The following PCSK6 variants were observed in gnomAD, a reference collection of about 807,000 sequenced individuals.
PCSK6 encodes paired basic amino acid cleaving enzyme 4.
A neutral mutation model predicts 123.3 loss-of-function variants in PCSK6; 85 were observed. The ratio of observed to expected loss-of-function variants is 0.69; its 90% CI spans 0.58 to 0.83. The LOEUF is 0.83. PCSK6 is among the 40% of genes least tolerant of loss of function. PCSK6 has a pLI of 0.00. For synonymous variants in PCSK6, 508 were observed against 516.0 expected (o/e 0.98, Z 0.21); for missense variants, 1,191 against 1,282.3 (o/e 0.93, Z 1.09).
intron 1 of PCSK6, among the ~76,000 whole-genome samples, chr15:101,482,969 C>T (rs778446594): frequency 3.3e-5 from 5 of 152,228 alleles, no homozygotes; most frequent in Non-Finnish European, 5.9e-5. Flanking sequence ...TAAACTCCTG[C>T]CCACTTAAAG....
In PCSK6 at chr15:101,370,462, A is replaced by T; in HGVS notation, c.1594T>A (p.Ser532Thr). The change falls in exon 12 of 22, where the codon TCG becomes ACG. Residue 532 changes from serine (S) to threonine (T), a missense_variant. Around this residue, in one of 3 missense-constraint regions of PCSK6, gnomAD observed 630 missense variants for 631.4 expected, o/e 1.00. Transcript: ENST00000611716. ...TALTSACAEH[S>T]DQRVVYLEHV... is the part of the protein sequence containing the mutation. ...TCCAAGTAGACCACCCGCTGGTCCG[A>T]GTGCTCCGCGCAGGCGCTGGTCAGG... 1 of 1,550,500 alleles carries T rather than the reference A, an allele frequency of 6.4e-7. No individual in the cohort carries two copies. The highest frequency in any genetic ancestry group is 8.7e-7 in the Non-Finnish European group (1 of 1,146,276).
At chr15:101,356,675 C>G (rs1196533861) in intron 13 of PCSK6, among the ~76,000 whole-genome samples, 1 of 135,166 alleles carries the variant, frequency 7.4e-6, no homozygotes, top group Non-Finnish European at 1.6e-5. Context: ...GCGAGACTGT[C>G]TCAAAATAAA....
chr15:101,305,295 A>G lies in PCSK6; in HGVS notation c.2873T>C (p.Ile958Thr). ...GAGGCACGTGCGGCAGCAGAACTGA[A>G]TGAAGAGCTTCCGTTCGCACAGCCG... The part of the protein sequence containing the change: ...SNRLCERKLF[I>T]QFCCRTCLLA... The change falls in exon 22 of 22, where the codon ATT becomes ACT. Residue 958 changes from isoleucine (I) to threonine (T), a missense_variant. Ile to Thr is a moderately conservative substitution (Grantham distance 89). Coordinates refer to ENST00000611716, the MANE Select transcript of PCSK6 (RefSeq NM_002570.5). The surrounding 1 kb of genome is among the most constrained non-coding windows in gnomAD (Gnocchi z 4.8). 6.2e-7 allele frequency: 1 copy of G among 1,612,790 alleles called. No homozygotes were observed. Among genetic ancestry groups the G allele is most frequent in the Non-Finnish European group, 8.5e-7 (1 of 1,179,822 alleles).
intron 1 of PCSK6, among the ~76,000 whole-genome samples, chr15:101,481,525 C>T (rs942730849): frequency 6.6e-6 from 1 of 151,652 alleles, no homozygotes; most frequent in Non-Finnish European, 1.5e-5. Context: ...AGCCAGGGCT[C>T]GAGGCGGTGG....
chr15:101,333,673 A>G (rs1211010642), intron 13 of PCSK6, among the ~76,000 whole-genome samples: 1 of 152,138 alleles, frequency 6.6e-6, no homozygotes, highest in Non-Finnish European at 1.5e-5. Context: ...CCCCTCTGCC[A>G]GTACAACTTT....
At chr15:101,345,769 G>C (rs918402502) in intron 13 of PCSK6, among the ~76,000 whole-genome samples, 24 of 152,346 alleles carry the variant, frequency 1.6e-4, no homozygotes, top group Admixed American at 4.6e-4. Flanking sequence ...CCGGGTTCAA[G>C]TGATTCTCCT....
intron 9 of PCSK6, among the ~76,000 whole-genome samples, chr15:101,388,042 G>C (rs755998839): frequency 1.3e-5 from 2 of 152,172 alleles, no homozygotes; most frequent in Middle Eastern, 3.2e-3. Context: ...CAAGTTTAAG[G>C]GGACAATGCG....
At chr15:101,438,125 A>AAT (rs1231325152) in intron 2 of PCSK6, among the ~76,000 whole-genome samples, 5 of 152,190 alleles carry the variant, frequency 3.3e-5, no homozygotes, top group Non-Finnish European at 7.3e-5. Flanking sequence ...AGTGTGAGAC[A>AAT]ATACGGTTCT....
chr15:101,345,875 C>G lies in PCSK6; in HGVS notation c.1859-13844G>C, dbSNP rs1158663870. Among the ~76,000 whole-genome samples, 3 of 152,160 alleles carry G rather than the reference C, an allele frequency of 2.0e-5. No individual in the cohort carries two copies. The East Asian group carries it at 5.8e-4, about 29-fold the overall frequency. On this transcript the variant is annotated intron_variant, in intron 13 of 21. Coordinates refer to ENST00000611716, the MANE Select transcript of PCSK6 (RefSeq NM_002570.5). ...TAGAGGCGGGGTTTCACCCTGTTGG[C>G]CAGGCTGGTCTCAAACTCCTGACCT... is the stretch of plus-strand genomic sequence containing the variant.
intron 13 of PCSK6, among the ~76,000 whole-genome samples, chr15:101,352,138 T>A (rs1307524460): frequency 5.8e-5 from 2 of 34,672 alleles, no homozygotes; most frequent in African/African-American, 6.4e-4. Flanking sequence ...ATTTTTCTAA[T>A]TTTTTTTTTT....
chr15:101,434,348 C>T (rs1361080509), intron 2 of PCSK6, among the ~76,000 whole-genome samples: 1 of 152,164 alleles, frequency 6.6e-6, no homozygotes, highest in Admixed American at 6.5e-5. Flanking sequence ...AATTGCTGTG[C>T]CCACCAGACC....
At chr15:101,462,700 A>C (rs932285282) in intron 1 of PCSK6, among the ~76,000 whole-genome samples, 7 of 152,260 alleles carry the variant, frequency 4.6e-5, no homozygotes, top group African/African-American at 1.7e-4. Flanking sequence ...GTGGTTATTC[A>C]TATGAGAAAA....
chr15:101,313,005 CA>C (rs57786154), intron 20 of PCSK6: 4 of 1,170,308 alleles, frequency 3.4e-6, no homozygotes, highest in South Asian at 3.6e-5. Context: ...AGTGTGTCTC[CA>C]AAAAAATTTT....
intron 8 of PCSK6, among the ~76,000 whole-genome samples, chr15:101,389,809 C>G (rs1005381967): frequency 6.6e-6 from 1 of 152,142 alleles, no homozygotes; most frequent in East Asian, 1.9e-4. Flanking sequence ...ACAGACCGTA[C>G]GCTTTGATAA....
At chr15:101,430,533 G>A (rs147964838) in intron 4 of PCSK6, among the ~76,000 whole-genome samples, 1,650 of 152,302 alleles carry the variant, frequency 0.011, 26 homozygotes, top group Admixed American at 0.034. Flanking sequence ...CGTGGGTCAG[G>A]ATTTCCTTCA....
At chr15:101,362,581 T>A (rs553543373) in intron 13 of PCSK6, among the ~76,000 whole-genome samples, 1 of 152,036 alleles carries the variant, frequency 6.6e-6, no homozygotes, top group African/African-American at 2.4e-5. Context: ...AGGTGTGGCA[T>A]CACTGCAGCT....
At chr15:101,397,633 C>T (rs546507441) in intron 7 of PCSK6, among the ~76,000 whole-genome samples, 68 of 152,296 alleles carry the variant, frequency 4.5e-4, no homozygotes, top group South Asian at 4.1e-3. Context: ...CCCAGGGCCT[C>T]CTGGACGCTG....
chr15:101,482,241 C>T (rs2057907664), intron 1 of PCSK6, among the ~76,000 whole-genome samples: 1 of 152,248 alleles, frequency 6.6e-6, no homozygotes, highest in Non-Finnish European at 1.5e-5. Context: ...GGTCTAAGGC[C>T]TCATCACCAT....
intron 13 of PCSK6, among the ~76,000 whole-genome samples, chr15:101,362,958 G>C (rs1468254528): frequency 2.0e-5 from 3 of 152,206 alleles, no homozygotes; most frequent in African/African-American, 2.4e-5. Flanking sequence ...ATGTGGAAAC[G>C]GTGGGGGACC....
Sources: allele counts gnomAD v4.1 joint callset (sites outside exome capture counted in the v4.1 genomes callset), GRCh38; gene constraint gnomAD v4.1.1; regional missense constraint gnomAD v4.1.1; non-coding constraint Gnocchi (gnomAD v3.1); transcripts MANE v1.5; gene names NCBI Gene and HGNC (gene_info 2026-07-23, HGNC 2026-07-21).